The following STK40 variants were observed in gnomAD, a reference collection of about 807,000 sequenced individuals.
The protein encoded by STK40 is serine/threonine-protein kinase 40.
A neutral mutation model predicts 47.9 loss-of-function variants in STK40; 13 were observed. That is an observed-to-expected ratio of 0.27 (90% confidence interval 0.18 to 0.43). The LOEUF is 0.43. Ranked by LOEUF, STK40 falls within the 20% of genes least tolerant of loss-of-function variation. STK40 has a pLI of 1.00. For missense variants in STK40, 460 were observed against 595.1 expected, an observed-to-expected ratio of 0.77 and a Z score of 2.36; for synonymous variants, 225 against 243.2, an observed-to-expected ratio of 0.93 and a Z score of 0.69.
chr1:36,352,547 A>G (rs1045039214), intron 6 of STK40, among the ~76,000 whole-genome samples: 1 of 152,094 alleles, frequency 6.6e-6, no homozygotes, highest in African/African-American at 2.4e-5. Flanking sequence ...TCTGACCCCC[A>G]TGTCAGTGCT....
intron 4 of STK40, 84 bp from the exon 5 acceptor site, chr1:36,355,517 GA>G (rs1239652117): frequency 4.9e-6 from 7 of 1,417,658 alleles, no homozygotes; most frequent in African/African-American, 1.4e-5. Context: ...TCTGGAGTGG[GA>G]CACTCAAACC....
At chr1:36,376,622 A>C (rs892884771) in intron 1 of STK40, among the ~76,000 whole-genome samples, 1 of 152,288 alleles carries the variant, frequency 6.6e-6, no homozygotes, top group Non-Finnish European at 1.5e-5. Flanking sequence ...TGGTTAACTA[A>C]TTATGTTCAG....
intron 2 of STK40, 93 bp downstream of exon 2, chr1:36,361,104 ACACACTGCTGTGGGTGGGCCACCT>A: frequency 8.2e-7 from 1 of 1,214,014 alleles, no homozygotes; most frequent in East Asian, 2.3e-5. Context: ...GGGCAGGACC[ACACACTGCTGTGGGTGGGCCACCT>A]CACTCTGATG....
chr1:36,351,018 G>A (rs560612897), intron 6 of STK40, among the ~76,000 whole-genome samples: 1 of 152,240 alleles, frequency 6.6e-6, no homozygotes, highest in Non-Finnish European at 1.5e-5. Context: ...CTGACAGGAG[G>A]GGGCAATGGC....
intron 2 of STK40, among the ~76,000 whole-genome samples, chr1:36,360,310 G>A (rs764650795): frequency 3.9e-5 from 6 of 152,192 alleles, no homozygotes; most frequent in Non-Finnish European, 5.9e-5. Flanking sequence ...CTGCAACCCT[G>A]ACTATAAGCA....
chr1:36,345,490 CT>C (rs1646691351), intron 7 of STK40, among the ~76,000 whole-genome samples: 1 of 152,298 alleles, frequency 6.6e-6, no homozygotes, highest in Admixed American at 6.5e-5. Context: ...AGATGAGCTT[CT>C]CCCAAGCTCT....
intron 4 of STK40, among the ~76,000 whole-genome samples, chr1:36,357,178 A>T (rs970141234): frequency 2.0e-5 from 3 of 152,232 alleles, no homozygotes; most frequent in African/African-American, 7.2e-5. Context: ...GGAGGTAGGT[A>T]CTGTTATCAC....
At chr1:36,352,333 T>A (rs1646766009) in intron 6 of STK40, among the ~76,000 whole-genome samples, 1 of 152,182 alleles carries the variant, frequency 6.6e-6, no homozygotes, top group Non-Finnish European at 1.5e-5. Flanking sequence ...CCCATCATAT[T>A]ACGCAGCCTC....
At chr1:36,354,237 T>G (rs984806225) in intron 6 of STK40, 127 bp downstream of exon 6, 2 of 990,720 alleles carry the variant, frequency 2.0e-6, no homozygotes, top group Non-Finnish European at 3.2e-6. Context: ...GCCCTGGGAT[T>G]CCTGGAGGAA....
intron 7 of STK40, among the ~76,000 whole-genome samples, chr1:36,345,991 A>ATATATATTTTTTTTTTTTTTTT: frequency 7.6e-5 from 2 of 26,464 alleles, no homozygotes; most frequent in Non-Finnish European, 1.4e-4. Context: ...ATATATATAT[A>ATATATATTTTTTTTTTTTTTTT]TTTTTTTTTT....
chr1:36,358,457 A>C, intron 3 of STK40, 75 bp from the exon 4 acceptor site: 1 of 1,527,222 alleles, frequency 6.5e-7, no homozygotes. Context: ...GAACGGGGGA[A>C]GCAGGGGGCT....
At chr1:36,344,346 C>T in intron 7 of STK40, 82 bp from the exon 8 acceptor site, 1 of 1,484,560 alleles carries the variant, frequency 6.7e-7, no homozygotes. Flanking sequence ...CTGGGACCCT[C>T]CACCTGCCAC....
intron 6 of STK40, among the ~76,000 whole-genome samples, chr1:36,353,174 T>C (rs1189430123): frequency 2.0e-5 from 3 of 152,226 alleles, no homozygotes; most frequent in Non-Finnish European, 4.4e-5. Context: ...AGATTCAGGC[T>C]GCCTTTGTAA....
At chr1:36,376,969 C>T (rs1276702819) in intron 1 of STK40, among the ~76,000 whole-genome samples, 7 of 151,728 alleles carry the variant, frequency 4.6e-5, no homozygotes. Flanking sequence ...GACGGGGTTT[C>T]ACCATCTTGG....
intron 1 of STK40, among the ~76,000 whole-genome samples, chr1:36,372,440 AAAAAAAAAGAAAG>A (rs1402200896): frequency 6.6e-6 from 1 of 151,494 alleles, no homozygotes; most frequent in African/African-American, 2.4e-5. Context: ...AAAAAAAAAA[AAAAAAAAAGAAAG>A]AAAGAAAAAG....
In STK40 at chr1:36,358,816, C is replaced by T. The variant is rs759918440; in HGVS notation, c.119G>A (p.Arg40His). 9 of 1,614,010 alleles carry T rather than the reference C, an allele frequency of 5.6e-6. No homozygotes were observed. Among genetic ancestry groups the T allele is most frequent in the South Asian group, 1.1e-5 (1 of 91,072 alleles). Residue 40 changes from arginine to histidine, a missense_variant, in exon 3 of 11, where the codon CGT becomes CAT. Coordinates refer to ENST00000373132, the MANE Select transcript of STK40 (RefSeq NM_001282547.2). ...GCTTGGCACCGGTGAGTTGCCCAGA[C>T]GGGGACCTACGGCACAGAGAGCTGC... ...KRAGPFILGP[R>H]LGNSPVPSIV... is the part of the protein sequence containing the mutation.
At chr1:36,345,991 A>ATATATATATATT in intron 7 of STK40, among the ~76,000 whole-genome samples, 15 of 26,468 alleles carry the variant, frequency 5.7e-4, no homozygotes, top group Non-Finnish European at 1.0e-3. Flanking sequence ...ATATATATAT[A>ATATATATATATT]TTTTTTTTTT....
chr1:36,377,532 CAAAAAAAA>C (rs746089027), intron 1 of STK40, among the ~76,000 whole-genome samples: 1 of 35,502 alleles, frequency 2.8e-5, no homozygotes, highest in African/African-American at 8.1e-5. Flanking sequence ...GACTCCGTCT[CAAAAAAAA>C]AAAAAAAAAA....
At chr1:36,358,187 C>T in intron 4 of STK40, 52 bp downstream of exon 4, 1 of 1,494,752 alleles carries the variant, frequency 6.7e-7, no homozygotes, top group Non-Finnish European at 9.0e-7. Context: ...AAGTGGCAGC[C>T]CACAGAGCCA....
Sources: gnomAD v4.1 joint callset for allele counts (sites outside exome capture counted in the v4.1 genomes callset) on GRCh38, gnomAD v4.1.1 for gene constraint, MANE v1.5 for transcripts, NCBI Gene and HGNC (gene_info 2026-07-23, HGNC 2026-07-21) for gene names.